CHAF1B: variants seen among roughly 807,000 people sequenced by gnomAD.
CHAF1B encodes CAF-1 subunit B.
CHAF1B carries 10 observed loss-of-function variants against 60.7 expected under a neutral mutation model. The ratio of observed to expected loss-of-function variants is 0.16; its 90% CI spans 0.10 to 0.28. The LOEUF (loss-of-function observed/expected upper bound fraction) is 0.28, where lower values mean the gene tolerates loss of function less well. Among genes scored for constraint, CHAF1B ranks in the 10% least tolerant of loss-of-function variants. The pLI, the probability that CHAF1B is intolerant of heterozygous loss-of-function variation, is 1.00. For missense variants in CHAF1B, 558 were observed against 708.4 expected (o/e 0.79, Z 2.41); for synonymous variants, 261 against 266.1 (o/e 0.98, Z 0.19).
intron 7 of CHAF1B, among the ~76,000 whole-genome samples, chr21:36,401,177 G>A (rs2086184730): frequency 6.6e-6 from 1 of 151,696 alleles, no homozygotes; most frequent in Non-Finnish European, 1.5e-5. Flanking sequence ...TGAGGCACGA[G>A]GATCACTGGA....
chr21:36,386,352 G>A, intron 2 of CHAF1B, 90 bp downstream of exon 2: 4 of 1,512,062 alleles, frequency 2.6e-6, no homozygotes, highest in Non-Finnish European at 3.6e-6. Flanking sequence ...GCTGGGCGCG[G>A]TGGCTTACGC....
At chr21:36,392,753 C>A (rs965303003) in intron 4 of CHAF1B, among the ~76,000 whole-genome samples, 5 of 151,988 alleles carry the variant, frequency 3.3e-5, no homozygotes, top group African/African-American at 1.2e-4. Context: ...GAGGCGCTCC[C>A]CACATCTCAG....
chr21:36,398,471 T>C (rs2146366414), intron 6 of CHAF1B, among the ~76,000 whole-genome samples: 1 of 152,342 alleles, frequency 6.6e-6, no homozygotes, highest in Non-Finnish European at 1.5e-5. Context: ...GCGATTCTCC[T>C]GCCTCATCCT....
chr21:36,410,258 C>T (rs2086267905), intron 10 of CHAF1B, among the ~76,000 whole-genome samples: 1 of 152,194 alleles, frequency 6.6e-6, no homozygotes, highest in South Asian at 2.1e-4. Flanking sequence ...CCATCATGCC[C>T]AGCCATTTTC....
intron 6 of CHAF1B, chr21:36,397,719 CTTT>C (rs397866716): frequency 2.8e-3 from 374 of 133,810 alleles, no homozygotes; most frequent in South Asian, 0.012. Flanking sequence ...CTTAGTAAAT[CTTT>C]TTTTTTTTTT....
Position 36,391,581 on chromosome 21 carries a change from A to G in CHAF1B, c.290A>G (p.Asp97Gly). 6.2e-7 allele frequency: 1 copy of G among 1,613,202 alleles called. No homozygotes were observed. Among genetic ancestry groups the G allele is most frequent in the Non-Finnish European group, 8.5e-7 (1 of 1,179,362 alleles). The change falls in exon 4 of 14, where the codon GAT becomes GGT. Residue 97 changes from aspartate (D) to glycine (G), a missense_variant. Asp to Gly is a moderately conservative substitution (Grantham distance 94, BLOSUM62 -1). Transcript: ENST00000314103. ...GTCATCCTATTGTGGAAGGTGAATGATAACAAGGAGCCGGAGCAGATCGCT... is the reference window on the plus strand; with the variant it reads ...GTCATCCTATTGTGGAAGGTGAATGGTAACAAGGAGCCGGAGCAGATCGCT... ...DAVILLWKVN[D>G]NKEPEQIAFQ...
intron 3 of CHAF1B, among the ~76,000 whole-genome samples, chr21:36,391,191 G>T (rs2086083536): frequency 6.6e-6 from 1 of 152,140 alleles, no homozygotes; most frequent in Non-Finnish European, 1.5e-5. Flanking sequence ...GTATAGCTCT[G>T]ATCTGTTATG....
At position 36,413,071 on chromosome 21, in the gene CHAF1B, G is replaced by C. The variant is rs1452093071; in HGVS notation, c.1249G>C (p.Glu417Gln). ...GTCTTCGCCAGGACCCAGACCGGTA[G>C]AGGGAACCCCTGCCAGCAGAACCCA... ...RGSSPGPRPVEGTPASRTQDP... is the reference protein window; with the variant it reads ...RGSSPGPRPVQGTPASRTQDP... The change falls in exon 12 of 14, where the codon GAG becomes CAG. Residue 417 changes from glutamate (E) to glutamine (Q), a missense_variant. By Grantham distance (29) the Glu-to-Gln change is conservative. Transcript: ENST00000314103. The C allele has an allele frequency of 6.2e-7, 1 of 1,614,192 alleles. No individual in the cohort carries two copies. Among genetic ancestry groups the C allele is most frequent in the Admixed American group, 1.7e-5 (1 of 60,022 alleles).
chr21:36,412,235 C>T (rs2086283101), intron 11 of CHAF1B, among the ~76,000 whole-genome samples: 1 of 152,196 alleles, frequency 6.6e-6, no homozygotes, highest in Non-Finnish European at 1.5e-5. Context: ...GAAGCCCTTC[C>T]CTGCATGCCC....
rs2086202307 is a variant in CHAF1B at position 36,402,832 on chromosome 21, A to T, written c.738A>T (p.Gly246=). ...GTAGACTGAGTTTCACTCCCGACGG[A>T]TCTTTGCTTCTCACGCCAGGTGTGT... is the stretch of plus-strand genomic sequence containing the variant. ...FFRRLSFTPD[G]SLLLTPAGCV... Residue 246 remains glycine (G), a synonymous_variant, in exon 8 of 14, where the codon GGA becomes GGT. Coordinates refer to ENST00000314103, the MANE Select transcript of CHAF1B (RefSeq NM_005441.3). 6.2e-7 allele frequency: 1 copy of T among 1,613,824 alleles called. No individual in the cohort carries two copies. Among genetic ancestry groups the T allele is most frequent in the Non-Finnish European group, 8.5e-7 (1 of 1,179,916 alleles).
At chr21:36,388,254 T>A (rs1280310155) in intron 3 of CHAF1B, among the ~76,000 whole-genome samples, 1 of 152,106 alleles carries the variant, frequency 6.6e-6, no homozygotes, top group Non-Finnish European at 1.5e-5. Context: ...GGAACACCTG[T>A]TTGAAAACAG....
chr21:36,390,347 A>G (rs1206625791), intron 3 of CHAF1B, among the ~76,000 whole-genome samples: 3 of 151,792 alleles, frequency 2.0e-5, no homozygotes, highest in Admixed American at 1.3e-4. Flanking sequence ...AAAAAAAAAA[A>G]AAAAGAAAGA....
chr21:36,402,712 G>C lies in CHAF1B; in HGVS notation c.664-46G>C, dbSNP rs760987630. On this transcript the variant is annotated intron_variant, in intron 7 of 13. Transcript: ENST00000314103. ...GAAAAATGTTTAAGCTTTGTGTGTA[G>C]AAAACAAACAAAAAAAATAATAAAA... is the stretch of plus-strand genomic sequence containing the variant. The C allele has an allele frequency of 5.3e-6, 8 of 1,506,780 alleles. No homozygotes were observed. The Admixed American group carries it at 1.4e-4, about 26-fold the overall frequency. The allele number at this position is 1,506,780 out of a possible 1,614,324, so 93.3% of individuals were successfully genotyped here.
chr21:36,405,140 G>A (rs2086227868), intron 8 of CHAF1B, among the ~76,000 whole-genome samples: 1 of 152,076 alleles, frequency 6.6e-6, no homozygotes, highest in African/African-American at 2.4e-5. Context: ...CAACGTTATT[G>A]TTCTTTGTGG....
intron 1 of CHAF1B, 64 bp from the exon 2 acceptor site, chr21:36,385,995 TG>T: frequency 1.1e-6 from 1 of 938,774 alleles, no homozygotes; most frequent in Non-Finnish European, 1.6e-6. Context: ...AAATGGCTCC[TG>T]GCCCCTATTC....
At position 36,399,571 on chromosome 21, in the gene CHAF1B, C is replaced by T. The variant is rs756088596; in HGVS notation, c.629C>T (p.Ser210Leu). Reference sequence around the variant, plus strand: ...AAGAAGCGTGTGGCTTTCAATGTTTCGAAGATGCTGTCTGGAATAGGGGCT... The same window carrying T: ...AAGAAGCGTGTGGCTTTCAATGTTTTGAAGATGCTGTCTGGAATAGGGGCT... ...IQKKRVAFNV[S>L]KMLSGIGAEG... Residue 210 changes from serine to leucine, a missense_variant, in exon 7 of 14, where the codon TCG becomes TTG. Physicochemically the swap from Ser to Leu is moderately radical, Grantham distance 145. Around this residue, in one of 2 missense-constraint regions of CHAF1B, gnomAD observed 325 missense variants for 493.5 expected, o/e 0.66. Transcript: ENST00000314103. 4.3e-6 allele frequency: 7 copies of T among 1,613,928 alleles called. No individual in the cohort carries two copies. Among genetic ancestry groups the T allele is most frequent in the South Asian group, 1.1e-5 (1 of 91,078 alleles).
intron 8 of CHAF1B, among the ~76,000 whole-genome samples, chr21:36,403,301 T>G (rs1485453822): frequency 2.0e-5 from 3 of 151,160 alleles, no homozygotes; most frequent in Non-Finnish European, 4.4e-5. Context: ...CTATTAAAAA[T>G]ACAAAAATTA....
rs71326686 is a variant in CHAF1B at position 36,403,455 on chromosome 21, TAAAAAAAAAAAAAAA to T, written c.757+615_757+629del. On this transcript the variant is annotated intron_variant, in intron 8 of 13. Transcript: ENST00000314103. ...CTGGGCGACAGAGTGATATCTTATCTAAAAAAAAAAAAAAAAAAAAAAAAAGAAACTTTACTATTT... is the reference window on the plus strand; with the variant it reads ...CTGGGCGACAGAGTGATATCTTATCTAAAAAAAAAAGAAACTTTACTATTT... Among the ~76,000 whole-genome samples, 12 of 77,466 alleles carry T rather than the reference TAAAAAAAAAAAAAAA, an allele frequency of 1.5e-4. No individual in the cohort carries two copies. The South Asian group carries it at 2.5e-3, about 16-fold the overall frequency. The allele number at this position is 77,466 out of a possible 152,430, so 50.8% of individuals were successfully genotyped here.
At chr21:36,412,334 A>G (rs962624033) in intron 11 of CHAF1B, among the ~76,000 whole-genome samples, 3 of 151,690 alleles carry the variant, frequency 2.0e-5, no homozygotes, top group Non-Finnish European at 2.9e-5. Context: ...TTGGTCCCCA[A>G]TTCAGCCCCC....
Sources: gnomAD v4.1 joint callset for allele counts (sites outside exome capture counted in the v4.1 genomes callset) on GRCh38, gnomAD v4.1.1 for gene constraint, gnomAD v4.1.1 regional missense constraint, MANE v1.5 for transcripts, NCBI Gene and HGNC (gene_info 2026-07-23, HGNC 2026-07-21) for gene names.